VTI1A: variants seen among roughly 807,000 people sequenced by gnomAD.
VTI1A encodes vesicle transport through interaction with t-SNAREs 1A.
Under a neutral mutation model 34.9 loss-of-function variants are expected in VTI1A, and 22 were observed. The observed-to-expected ratio is 0.63, with a 90% CI of 0.45 to 0.90. The LOEUF is 0.90. VTI1A is among the 40% of genes least tolerant of loss of function. The pLI, the probability that VTI1A is intolerant of heterozygous loss-of-function variation, is 0.00. For missense variants in VTI1A, 268 were observed against 275.6 expected (o/e 0.97, Z 0.20); for synonymous variants, 87 against 97.3 (o/e 0.89, Z 0.62).
intron 5 of VTI1A, among the ~76,000 whole-genome samples, chr10:112,587,945 G>A (rs1344125674): frequency 6.6e-6 from 1 of 150,638 alleles, no homozygotes; most frequent in Non-Finnish European, 1.5e-5. Context: ...CTTATGCTTT[G>A]TTGGTTTTAG....
At chr10:112,611,292 A>T (rs187315711) in intron 5 of VTI1A, among the ~76,000 whole-genome samples, 9 of 152,300 alleles carry the variant, frequency 5.9e-5, no homozygotes, top group African/African-American at 2.2e-4. Flanking sequence ...GTTGAGCTTG[A>T]TTCTCTACTC....
intron 7 of VTI1A, among the ~76,000 whole-genome samples, chr10:112,725,094 T>A (rs569077672): frequency 3.0e-4 from 46 of 152,380 alleles, no homozygotes; most frequent in South Asian, 2.3e-3. Context: ...CAGTATTTCC[T>A]AATTGTTTCC....
intron 5 of VTI1A, among the ~76,000 whole-genome samples, chr10:112,628,030 G>T (rs963006142): frequency 2.0e-5 from 3 of 152,084 alleles, no homozygotes; most frequent in African/African-American, 7.2e-5. Context: ...TCTAGACTAC[G>T]TATGCAAAAC....
At chr10:112,790,027 C>G (rs1852408885) in intron 7 of VTI1A, among the ~76,000 whole-genome samples, 2 of 150,876 alleles carry the variant, frequency 1.3e-5, no homozygotes. Flanking sequence ...TATATTGTAG[C>G]AACACAAGAG....
At chr10:112,787,322 T>C (rs1852317376) in intron 7 of VTI1A, among the ~76,000 whole-genome samples, 1 of 152,202 alleles carries the variant, frequency 6.6e-6, no homozygotes, top group African/African-American at 2.4e-5. Flanking sequence ...AGTTTATCAG[T>C]TTTGTTGATC....
At chr10:112,756,706 A>G (rs1851293128) in intron 7 of VTI1A, among the ~76,000 whole-genome samples, 1 of 152,140 alleles carries the variant, frequency 6.6e-6, no homozygotes, top group Non-Finnish European at 1.5e-5. Context: ...TAATAGGCCA[A>G]TAGAGATATC....
At chr10:112,777,992 C>T (rs1272240424) in intron 7 of VTI1A, among the ~76,000 whole-genome samples, 1 of 152,080 alleles carries the variant, frequency 6.6e-6, no homozygotes, top group African/African-American at 2.4e-5. Flanking sequence ...ATCCCAGCTA[C>T]TCGAGAGGCT....
chr10:112,614,685 A>T (rs984882911), intron 5 of VTI1A, among the ~76,000 whole-genome samples: 1 of 152,126 alleles, frequency 6.6e-6, no homozygotes, highest in Non-Finnish European at 1.5e-5. Context: ...TGGAGATTTT[A>T]TGGGCCTGGT....
chr10:112,608,790 G>A (rs2134504051), intron 5 of VTI1A, among the ~76,000 whole-genome samples: 1 of 152,104 alleles, frequency 6.6e-6, no homozygotes, highest in South Asian at 2.1e-4. Context: ...GACCTTTCTT[G>A]GTCAGGAAAA....
chr10:112,555,461 A>T (rs2134312692), intron 5 of VTI1A, among the ~76,000 whole-genome samples: 1 of 152,228 alleles, frequency 6.6e-6, no homozygotes, highest in African/African-American at 2.4e-5. Context: ...CTTTCTATGT[A>T]TGCTTTTAAC....
chr10:112,826,219 C>G, the VTI1A span: 7 of 152,124 alleles, frequency 4.6e-5, no homozygotes, highest in African/African-American at 1.7e-4. Context: ...TAGGAACATG[C>G]GCTTGGATAA....
intron 7 of VTI1A, among the ~76,000 whole-genome samples, chr10:112,771,071 G>A (rs1338945007): frequency 1.3e-5 from 2 of 152,098 alleles, no homozygotes; most frequent in Non-Finnish European, 2.9e-5. Context: ...GCTTGCATGA[G>A]CACACACGGG....
chr10:112,743,884 A>G (rs778598542), intron 7 of VTI1A, among the ~76,000 whole-genome samples: 13 of 152,238 alleles, frequency 8.5e-5, no homozygotes, highest in Non-Finnish European at 1.6e-4. Flanking sequence ...CTTTAGAGTT[A>G]ATATTTTACA....
At chr10:112,578,312 G>A (rs999105976) in intron 5 of VTI1A, among the ~76,000 whole-genome samples, 5 of 152,188 alleles carry the variant, frequency 3.3e-5, no homozygotes, top group African/African-American at 1.2e-4. Flanking sequence ...TCTGAGGATA[G>A]GAGGTGGGGG....
intron 3 of VTI1A, among the ~76,000 whole-genome samples, chr10:112,495,693 A>T (rs1848995131): frequency 6.6e-6 from 1 of 152,230 alleles, no homozygotes; most frequent in Non-Finnish European, 1.5e-5. Flanking sequence ...TGACGTCAGC[A>T]TATAGATATT....
chr10:112,507,837 G>C (rs1425758094), intron 3 of VTI1A, among the ~76,000 whole-genome samples: 1 of 152,176 alleles, frequency 6.6e-6, no homozygotes, highest in East Asian at 1.9e-4. Flanking sequence ...GCCCTTAAAA[G>C]TTTGCCAGAA....
intron 3 of VTI1A, among the ~76,000 whole-genome samples, chr10:112,465,657 T>C (rs2134055840): frequency 6.6e-6 from 1 of 152,210 alleles, no homozygotes; most frequent in East Asian, 1.9e-4. Flanking sequence ...TCTAGAGTAG[T>C]CAGATTCATA....
chr10:112,544,717 A>G (rs767355125), intron 5 of VTI1A, among the ~76,000 whole-genome samples: 51 of 152,128 alleles, frequency 3.4e-4, no homozygotes, highest in Non-Finnish European at 5.9e-5. Context: ...TGAGCCTTGA[A>G]TGGTACCAAG....
intron 3 of VTI1A, among the ~76,000 whole-genome samples, chr10:112,483,388 A>C (rs1016421157): frequency 3.3e-5 from 5 of 152,138 alleles, no homozygotes; most frequent in Admixed American, 3.3e-4. Flanking sequence ...AGTCCATGGC[A>C]TAAACTCGAG....
Sources: allele counts gnomAD v4.1 joint callset (sites outside exome capture counted in the v4.1 genomes callset), GRCh38; gene constraint gnomAD v4.1.1; transcripts MANE v1.5; gene names NCBI Gene and HGNC (gene_info 2026-07-23, HGNC 2026-07-21).